DOT1L: variants seen among roughly 807,000 people sequenced by gnomAD.
The protein encoded by DOT1L is histone-lysine N-methyltransferase, H3 lysine-79 specific.
In DOT1L, 33 loss-of-function variants were observed where a neutral mutation model predicts 153.3. The observed-to-expected ratio is 0.22, with a 90% CI of 0.16 to 0.29. The LOEUF (loss-of-function observed/expected upper bound fraction) is 0.29. Among genes scored for constraint, DOT1L ranks in the 10% least tolerant of loss-of-function variants. The pLI is 1.00. For missense variants in DOT1L, 1,847 were observed against 2,119.9 expected (o/e 0.87, Z 2.53); for synonymous variants, 1,135 against 965.1 (o/e 1.18, Z -3.26).
chr19:2,210,951 C>A, intron 14 of DOT1L, 96 bp downstream of exon 14: 1 of 1,500,424 alleles, frequency 6.7e-7, no homozygotes, highest in East Asian at 2.3e-5. Flanking sequence ...CCCGTGTGTT[C>A]AGGGTGTCCC....
chr19:2,229,929 C>T lies in DOT1L; in HGVS notation c.*137C>T, dbSNP rs2024526314. 20 of 1,477,368 alleles carry T rather than the reference C, an allele frequency of 1.4e-5. No individual in the cohort carries two copies. The highest frequency in any genetic ancestry group is 4.5e-5 in the East Asian group (2 of 43,990). The allele number at this position is 1,477,368 out of a possible 1,614,324, so 91.5% of individuals were successfully genotyped here. A position where few individuals can be genotyped will look rare whatever the true frequency, so the allele number is the denominator to read the frequency against. Reference sequence around the variant, plus strand: ...GACGGACGGGAGCTCCACTGTGAATCGGCGGCACGCGCCGCAGGAGGCTGG... The same window carrying T: ...GACGGACGGGAGCTCCACTGTGAATTGGCGGCACGCGCCGCAGGAGGCTGG... On this transcript the variant is annotated 3_prime_UTR_variant, in exon 28 of 28. Coordinates refer to ENST00000398665, the MANE Select transcript of DOT1L (RefSeq NM_032482.3).
intron 1 of DOT1L, among the ~76,000 whole-genome samples, chr19:2,165,256 G>C (rs2019864635): frequency 7.2e-6 from 1 of 139,136 alleles, no homozygotes. Flanking sequence ...GGGCCCGGCC[G>C]GGCATCCCCG....
intron 22 of DOT1L, among the ~76,000 whole-genome samples, chr19:2,218,649 T>A (rs1362399372): frequency 2.0e-5 from 3 of 152,050 alleles, no homozygotes; most frequent in Non-Finnish European, 4.4e-5. Context: ...CGCCTGGGCC[T>A]CCCAAAGTGC....
At chr19:2,188,856 G>A (rs1376237144) in intron 3 of DOT1L, among the ~76,000 whole-genome samples, 6 of 152,204 alleles carry the variant, frequency 3.9e-5, no homozygotes, top group Admixed American at 2.0e-4. Context: ...CCCCCACCCC[G>A]GAAGCCCCTC....
intron 9 of DOT1L, 106 bp downstream of exon 9, chr19:2,202,885 C>T: frequency 9.4e-7 from 1 of 1,058,356 alleles, no homozygotes; most frequent in South Asian, 1.3e-5. Flanking sequence ...GACTTGGGGT[C>T]TTCAGTCCCC....
rs576932089 is a variant in DOT1L at position 2,214,377 on chromosome 19, G to T, written c.1798-94G>T. The stretch of plus-strand genomic sequence containing the variant: ...TGTGCCCTAAGCACACATGCTGTTG[G>T]CTGAGGCAGGCCCAGGGAACCCTGC... On this transcript the variant is annotated intron_variant, in intron 18 of 27. Coordinates refer to ENST00000398665, the MANE Select transcript of DOT1L (RefSeq NM_032482.3). 27 of 1,541,688 alleles carry T rather than the reference G, an allele frequency of 1.8e-5. No individual in the cohort carries two copies. In the African/African-American group the frequency reaches 3.0e-4, roughly 17 times the overall value.
In DOT1L at chr19:2,213,577, C is replaced by T. The variant is rs1344936457; in HGVS notation, c.1596C>T (p.Leu532=). The change falls in exon 17 of 28, where the codon CTC becomes CTT. Residue 532 remains leucine, a synonymous_variant. Transcript: ENST00000398665. ...NAQLLGAAQQ[L]LSHCQAQKEE... is the part of the protein sequence containing the mutation. ...AGCTCCTGGGTGCGGCTCAGCAGCT[C>T]CTCAGCCACTGCCAGGCCCAGAAGG... 1 of 1,613,450 alleles carries T rather than the reference C, an allele frequency of 6.2e-7. No individual in the cohort carries two copies. The highest frequency in any genetic ancestry group is 8.5e-7 in the Non-Finnish European group (1 of 1,179,976).
intron 1 of DOT1L, among the ~76,000 whole-genome samples, chr19:2,168,333 A>C (rs1234323499): frequency 1.3e-5 from 2 of 152,206 alleles, no homozygotes; most frequent in East Asian, 3.8e-4. Context: ...GAAGTTAAGT[A>C]GATTATAAAT....
chr19:2,167,061 GA>G (rs2019949264), intron 1 of DOT1L, among the ~76,000 whole-genome samples: 1 of 152,186 alleles, frequency 6.6e-6, no homozygotes, highest in African/African-American at 2.4e-5. Flanking sequence ...AAATCCATTG[GA>G]CAGTTGGGCC....
Position 2,197,300 on chromosome 19 carries a change from C to T in DOT1L, c.652-2584C>T, listed in dbSNP as rs999429131. ...TGTGTGGTGTCCTGGGTTCTGGGTC[C>T]ACTTGCACTCTGGCCGGAAGTTCCC... is the stretch of plus-strand genomic sequence containing the variant. On this transcript the variant is annotated intron_variant, in intron 7 of 27. Coordinates refer to ENST00000398665, the MANE Select transcript of DOT1L (RefSeq NM_032482.3). This position sits in a 1 kb window ranked among gnomAD's most constrained non-coding sequence, Gnocchi z 4.1. Among the ~76,000 whole-genome samples, 1 of 152,212 alleles carries T rather than the reference C, an allele frequency of 6.6e-6. No individual in the cohort carries two copies. The highest frequency in any genetic ancestry group is 1.5e-5 in the Non-Finnish European group (1 of 68,024).
At position 2,197,043 on chromosome 19, in the gene DOT1L, A is replaced by G. The variant is rs902098723; in HGVS notation, c.651+2466A>G. Reference sequence around the variant, plus strand: ...GTCGGCGTGCGATTCTGTTTATCCAAGGTGGGATTCTGCTGGCTGATGGGC... The same window carrying G: ...GTCGGCGTGCGATTCTGTTTATCCAGGGTGGGATTCTGCTGGCTGATGGGC... On this transcript the variant is annotated intron_variant, in intron 7 of 27. Coordinates refer to ENST00000398665, the MANE Select transcript of DOT1L (RefSeq NM_032482.3). The surrounding 1 kb of genome is among the most constrained non-coding windows in gnomAD (Gnocchi z 4.1). 3.3e-5 allele frequency among the ~76,000 whole-genome samples: 5 copies of G among 152,090 alleles called. No individual in the cohort carries two copies. The highest frequency in any genetic ancestry group is 7.2e-5 in the African/African-American group (3 of 41,474).
intron 22 of DOT1L, among the ~76,000 whole-genome samples, chr19:2,218,740 A>C (rs1210031517): frequency 6.6e-6 from 1 of 151,402 alleles, no homozygotes; most frequent in Non-Finnish European, 1.5e-5. Flanking sequence ...TCTGTCCCCC[A>C]GGCTGGAGTG....
chr19:2,175,686 C>T (rs545570088), intron 1 of DOT1L, among the ~76,000 whole-genome samples: 1 of 152,134 alleles, frequency 6.6e-6, no homozygotes, highest in Admixed American at 6.6e-5. Flanking sequence ...AAAAATTAGC[C>T]AGGCGTGGTG....
chr19:2,171,212 T>G (rs984829276), intron 1 of DOT1L, among the ~76,000 whole-genome samples: 3 of 152,150 alleles, frequency 2.0e-5, no homozygotes, highest in Non-Finnish European at 4.4e-5. Context: ...AGCCTCAGGC[T>G]GTGTGGTGGG....
Position 2,228,130 on chromosome 19 carries a change from C to T in DOT1L, c.4606+1003C>T, listed in dbSNP as rs1023074186. The T allele has an allele frequency of 2.9e-6, 4 of 1,364,022 alleles. No homozygotes were observed. The African/African-American group carries it at 5.9e-5, about 20-fold the overall frequency. 84.5% of individuals were successfully genotyped at this position (1,364,022 alleles called of 1,614,324 possible). A position where few individuals can be genotyped will look rare whatever the true frequency, so the allele number is the denominator to read the frequency against. ...CCCACCTCTGCTGCCTCTCTGCCGC[C>T]TGCTAACGCCTCTTTGTCTATCAAG... On this transcript the variant is annotated intron_variant, in intron 27 of 27. Transcript: ENST00000398665.
intron 1 of DOT1L, 120 bp from the exon 2 acceptor site, chr19:2,180,593 G>A (rs987311837): frequency 2.4e-6 from 3 of 1,230,438 alleles, no homozygotes; most frequent in Middle Eastern, 3.8e-4. Flanking sequence ...GGGCTTGGGA[G>A]CTGCACCAGT....
chr19:2,215,685 C>G (rs1003956432), intron 19 of DOT1L: 1 of 152,322 alleles, frequency 6.6e-6, no homozygotes, highest in Non-Finnish European at 1.5e-5. Context: ...ACGTGTGTGG[C>G]CCAGGCGAGC....
chr19:2,186,402 G>A (rs916634709), intron 3 of DOT1L, among the ~76,000 whole-genome samples: 1 of 152,206 alleles, frequency 6.6e-6, no homozygotes, highest in Non-Finnish European at 1.5e-5. Context: ...TCTTGTGGGT[G>A]GAGAGGGGCA....
Position 2,230,180 on chromosome 19 carries a change from C to G in DOT1L, c.*388C>G. Reference sequence around the variant, plus strand: ...CCCCGGTGCTATCTCGTCCCCAGGCCCGCGCCTGCCTCCACCCGCTTGGTG... The same window carrying G: ...CCCCGGTGCTATCTCGTCCCCAGGCGCGCGCCTGCCTCCACCCGCTTGGTG... On this transcript the variant is annotated 3_prime_UTR_variant, in exon 28 of 28. Coordinates refer to ENST00000398665, the MANE Select transcript of DOT1L (RefSeq NM_032482.3). The G allele has an allele frequency of 2.1e-6, 1 of 471,894 alleles. No individual in the cohort carries two copies. The highest frequency in any genetic ancestry group is 3.8e-5 in the Admixed American group (1 of 25,984). 29.2% of individuals were successfully genotyped at this position (471,894 alleles called of 1,614,324 possible). A position where few individuals can be genotyped will look rare whatever the true frequency, so the allele number is the denominator to read the frequency against.
Sources: gnomAD v4.1 joint callset for allele counts (sites outside exome capture counted in the v4.1 genomes callset) on GRCh38, gnomAD v4.1.1 for gene constraint, Gnocchi (gnomAD v3.1) non-coding constraint, MANE v1.5 for transcripts, NCBI Gene and HGNC (gene_info 2026-07-23, HGNC 2026-07-21) for gene names.